Variants in CNOT4 observed in about 807,000 individuals in gnomAD.
CNOT4 encodes the protein CCR4-NOT transcription complex subunit 4.
Under a neutral mutation model 73.8 loss-of-function variants are expected in CNOT4, and 8 were observed. The observed-to-expected ratio is 0.11, with a 90% CI of 0.06 to 0.20. The LOEUF is 0.20. CNOT4 is among the 10% of genes least tolerant of loss of function. CNOT4 has a pLI of 1.00. For missense variants in CNOT4, 564 were observed against 883.4 expected (o/e 0.64, Z 4.58); for synonymous variants, 293 against 321.1 (o/e 0.91, Z 0.94).
intron 1 of CNOT4, among the ~76,000 whole-genome samples, chr7:135,495,948 A>G (rs912595375): frequency 1.3e-5 from 2 of 152,160 alleles, no homozygotes; most frequent in Non-Finnish European, 2.9e-5. Flanking sequence ...ATAAAGAAAA[A>G]GAATAATATT....
At chr7:135,469,855 T>C (rs1287759553) in intron 1 of CNOT4, among the ~76,000 whole-genome samples, 1 of 152,122 alleles carries the variant, frequency 6.6e-6, no homozygotes, top group Non-Finnish European at 1.5e-5. Context: ...GGAGTCTTGA[T>C]CTGTTGCCCA....
At chr7:135,373,941 T>G (rs910895176) in intron 10 of CNOT4, among the ~76,000 whole-genome samples, 1 of 152,210 alleles carries the variant, frequency 6.6e-6, no homozygotes, top group Non-Finnish European at 1.5e-5. Flanking sequence ...TCTTCAGAAA[T>G]GAATATGATG....
rs1381973615 is a variant in CNOT4 at position 135,478,650 on chromosome 7, C to T, written c.-93+31239G>A. Among the ~76,000 whole-genome samples the T allele has an allele frequency of 3.0e-4, 46 of 152,104 alleles. 1 individual carries two copies. The highest frequency in any genetic ancestry group is 2.9e-3 in the Admixed American group (45 of 15,260). Reference sequence around the variant, plus strand: ...CCCAGGAGGTGGAGGTTGCAGTGAGCAGAGATCGCACCACTGCACTTCAGC... The same window carrying T: ...CCCAGGAGGTGGAGGTTGCAGTGAGTAGAGATCGCACCACTGCACTTCAGC... On this transcript the variant is annotated intron_variant, in intron 1 of 11. Transcript: ENST00000541284.
In CNOT4 at chr7:135,394,157, T is replaced by C. The variant is rs745842800; in HGVS notation, c.1388A>G (p.Asn463Ser). ...FLHPAAATNA[N>S]SLNSTFSVLP... ...GACTGAAAAGGTACTATTGAGAGAA[T>C]TGGCATTTGTAGCTGCAGCAGGATG... is the stretch of plus-strand genomic sequence containing the variant. Residue 463 changes from asparagine to serine, a missense_variant, in exon 10 of 12, where the codon AAT (asparagine) becomes AGT (serine). Physicochemically the swap from Asn to Ser is conservative, Grantham distance 46. Transcript: ENST00000541284. The C allele has an allele frequency of 9.2e-5, 149 of 1,614,178 alleles. 1 individual carries two copies. Among genetic ancestry groups the C allele is most frequent in the East Asian group, 4.7e-4 (21 of 44,884 alleles).
In CNOT4 at chr7:135,394,197, C is replaced by G; in HGVS notation, c.1348G>C (p.Gly450Arg). The G allele has an allele frequency of 6.2e-7, 1 of 1,614,140 alleles. No individual in the cohort carries two copies. The highest frequency in any genetic ancestry group is 8.5e-7 in the Non-Finnish European group (1 of 1,180,006). The change falls in exon 10 of 12, where the codon GGC (glycine) becomes CGC (arginine). Residue 450 changes from glycine to arginine, a missense_variant. Around this residue, in one of 10 missense-constraint regions of CNOT4, gnomAD observed 153 missense variants for 158.7 expected, o/e 0.96. Coordinates refer to ENST00000541284, the MANE Select transcript of CNOT4 (RefSeq NM_001190850.2). ...SSHTTTAKGP[G>R]SGFLHPAAAT... ...GCAGCAGGATGCAGGAATCCAGAGCCTGGACCTTTGGCGGTTGTAGTGTGT... is the reference window on the plus strand; with the variant it reads ...GCAGCAGGATGCAGGAATCCAGAGCGTGGACCTTTGGCGGTTGTAGTGTGT...
chr7:135,469,544 T>A (rs1340649492), intron 1 of CNOT4, among the ~76,000 whole-genome samples: 1 of 152,184 alleles, frequency 6.6e-6, no homozygotes, highest in Admixed American at 6.5e-5. Flanking sequence ...TTCTCCTACA[T>A]CACTTCCATG....
At chr7:135,447,918 G>C (rs1418023068) in intron 1 of CNOT4, among the ~76,000 whole-genome samples, 1 of 152,168 alleles carries the variant, frequency 6.6e-6, no homozygotes, top group Non-Finnish European at 1.5e-5. Flanking sequence ...AGACAATAGA[G>C]TAGTCAGCCA....
chr7:135,505,138 A>C lies in CNOT4; in HGVS notation c.-93+4751T>G, dbSNP rs1322756908. 2.0e-5 allele frequency among the ~76,000 whole-genome samples: 3 copies of C among 152,204 alleles called. No homozygotes were observed. The East Asian group carries it at 5.8e-4, about 29-fold the overall frequency. On this transcript the variant is annotated intron_variant, in intron 1 of 11. Transcript: ENST00000541284. ...AGTTGTTTTTGAACAGTTATCTGACATACACACCTATACAAATAGCAAGAC... is the reference window on the plus strand; with the variant it reads ...AGTTGTTTTTGAACAGTTATCTGACCTACACACCTATACAAATAGCAAGAC...
intron 1 of CNOT4, among the ~76,000 whole-genome samples, chr7:135,452,829 A>G (rs1203333192): frequency 1.3e-5 from 2 of 152,184 alleles, no homozygotes; most frequent in Non-Finnish European, 1.5e-5. Flanking sequence ...AATGCTCAGG[A>G]GGAGGCCAGG....
intron 1 of CNOT4, among the ~76,000 whole-genome samples, chr7:135,508,386 G>C (rs752618225): frequency 1.3e-5 from 2 of 152,154 alleles, no homozygotes; most frequent in Admixed American, 1.3e-4. Flanking sequence ...TTTTACTGTA[G>C]ATAACAATGA....
chr7:135,424,874 G>A (rs948167217), intron 2 of CNOT4, among the ~76,000 whole-genome samples: 4 of 152,028 alleles, frequency 2.6e-5, no homozygotes, highest in Admixed American at 6.6e-5. Flanking sequence ...CTAAAACACC[G>A]ATGCTCCACT....
chr7:135,430,792 A>G (rs1798780963), intron 2 of CNOT4, among the ~76,000 whole-genome samples: 1 of 152,236 alleles, frequency 6.6e-6, no homozygotes, highest in African/African-American at 2.4e-5. Flanking sequence ...GAATAAAGGA[A>G]AACTTCCTTG....
At position 135,466,224 on chromosome 7, in the gene CNOT4, G is replaced by C. The variant is rs1318889015; in HGVS notation, c.-92-27801C>G. ...AGACCATGTATGGTGGCTCATGCCT[G>C]TAATCCCAGCACTTTGGCAGTCTGA... On this transcript the variant is annotated intron_variant, in intron 1 of 11. Transcript: ENST00000541284. 2.0e-5 allele frequency among the ~76,000 whole-genome samples: 3 copies of C among 151,940 alleles called. No homozygotes were observed. In the East Asian group the frequency reaches 5.8e-4, roughly 29 times the overall value.
At position 135,362,875 on chromosome 7, in the gene CNOT4, T is replaced by A. The variant is rs765077481; in HGVS notation, c.*10A>T. ...AAATCCTGCATTTTCTAATGGTTGCTCCTCTTTGCCTAATGGCGGTCCAGT... is the reference window on the plus strand; with the variant it reads ...AAATCCTGCATTTTCTAATGGTTGCACCTCTTTGCCTAATGGCGGTCCAGT... On this transcript the variant is annotated 3_prime_UTR_variant, in exon 12 of 12. Transcript: ENST00000541284. The A allele has an allele frequency of 5.6e-6, 9 of 1,612,258 alleles. No individual in the cohort carries two copies. Among genetic ancestry groups the A allele is most frequent in the African/African-American group, 1.3e-5 (1 of 74,818 alleles).
At position 135,394,426 on chromosome 7, in the gene CNOT4, G is replaced by A. The variant is rs980862857; in HGVS notation, c.1130-11C>T. 3 of 1,580,058 alleles carry A rather than the reference G, an allele frequency of 1.9e-6. No homozygotes were observed. The highest frequency in any genetic ancestry group is 1.7e-6 in the Non-Finnish European group (2 of 1,160,840). On this transcript the variant is annotated splice_polypyrimidine_tract_variant and intron_variant, in intron 9 of 11. Coordinates refer to ENST00000541284, the MANE Select transcript of CNOT4 (RefSeq NM_001190850.2). ...ATACTGGGATTGTTTCTGTTGGGAA[G>A]AAAAATAGTGATGAATATCAGATAC...
chr7:135,466,714 G>C (rs930477064), intron 1 of CNOT4, among the ~76,000 whole-genome samples: 3 of 152,052 alleles, frequency 2.0e-5, no homozygotes, highest in Admixed American at 2.0e-4. Context: ...CTAAACAGGT[G>C]TACCATTTCT....
chr7:135,439,179 G>A (rs1382030359), intron 1 of CNOT4, among the ~76,000 whole-genome samples: 1 of 152,136 alleles, frequency 6.6e-6, no homozygotes, highest in African/African-American at 2.4e-5. Context: ...GCCACTGTTA[G>A]ATTAAAAGGT....
chr7:135,493,457 C>T (rs1416904975), intron 1 of CNOT4, among the ~76,000 whole-genome samples: 1 of 151,950 alleles, frequency 6.6e-6, no homozygotes, highest in East Asian at 1.9e-4. Context: ...CAGCAAAGTA[C>T]GAAGTAGACA....
intron 1 of CNOT4, among the ~76,000 whole-genome samples, chr7:135,448,533 GA>G (rs1052154063): frequency 7.6e-5 from 2 of 26,478 alleles, no homozygotes; most frequent in Non-Finnish European, 7.6e-5. Context: ...GTCAAAAAAA[GA>G]AAAAAAAAGG....
Sources: gnomAD v4.1 joint callset for allele counts (sites outside exome capture counted in the v4.1 genomes callset) on GRCh38, gnomAD v4.1.1 for gene constraint, gnomAD v4.1.1 regional missense constraint, MANE v1.5 for transcripts, NCBI Gene and HGNC (gene_info 2026-07-23, HGNC 2026-07-21) for gene names.